The following DPY19L2 variants were observed in gnomAD, a reference collection of about 807,000 sequenced individuals.
DPY19L2 encodes probable C-mannosyltransferase DPY19L2.
Under a neutral mutation model 97.9 loss-of-function variants are expected in DPY19L2, and 34 were observed. That is an observed-to-expected ratio of 0.35 (90% CI 0.26 to 0.46). The LOEUF is 0.46. DPY19L2 is among the 20% of genes least tolerant of loss of function. The pLI is 1.00. For synonymous variants in DPY19L2, 230 were observed against 307.9 expected, an observed-to-expected ratio of 0.75 and a Z score of 2.65; for missense variants, 623 against 911.4, an observed-to-expected ratio of 0.68 and a Z score of 4.07.
intron 11 of DPY19L2, among the ~76,000 whole-genome samples, chr12:63,615,446 T>TG: frequency 1.3e-5 from 2 of 152,208 alleles, no homozygotes; most frequent in South Asian, 4.1e-4. Context: ...ACTAAAGACT[T>TG]GCAAAAGTGA....
At chr12:63,616,325 T>C (rs564494557) in intron 11 of DPY19L2, among the ~76,000 whole-genome samples, 2 of 152,336 alleles carry the variant, frequency 1.3e-5, no homozygotes, top group Non-Finnish European at 1.5e-5. Context: ...TCCTCTACTC[T>C]GTAATGGTGA....
chr12:63,660,489 G>A (rs1389114384), intron 4 of DPY19L2, among the ~76,000 whole-genome samples: 1 of 151,758 alleles, frequency 6.6e-6, no homozygotes, highest in Admixed American at 6.6e-5. Flanking sequence ...TTTAATAAAG[G>A]TATAAGTTGG....
chr12:63,598,467 C>A (rs1884620516), intron 13 of DPY19L2, among the ~76,000 whole-genome samples: 1 of 152,092 alleles, frequency 6.6e-6, no homozygotes. Flanking sequence ...GCTATTTGAT[C>A]TCCAAGGCTA....
intron 12 of DPY19L2, among the ~76,000 whole-genome samples, chr12:63,601,159 C>G (rs1055216355): frequency 6.6e-6 from 1 of 152,058 alleles, no homozygotes; most frequent in Non-Finnish European, 1.5e-5. Context: ...GTGTTTGTTT[C>G]CAAATATTAT....
rs747152353 is a variant in DPY19L2, at chr12:63,580,746, G to A, written c.1816C>T (p.Arg606Cys). ...TCTCCTATTATGCTCCATTGATTACGGAGGTTTGCATAACCTTGTATTGAC... is the reference window on the plus strand; with the variant it reads ...TCTCCTATTATGCTCCATTGATTACAGAGGTTTGCATAACCTTGTATTGAC... ...VMSIQGYANL[R>C]NQWSIIGEFN... is the part of the protein sequence containing the mutation. Residue 606 changes from arginine to cysteine, a missense_variant, in exon 19 of 22, where the codon CGT becomes TGT. Physicochemically the swap from Arg to Cys is radical, Grantham distance 180 (BLOSUM62 -3). Transcript: ENST00000324472. 19 of 1,613,416 alleles carry A rather than the reference G, an allele frequency of 1.2e-5. No homozygotes were observed. Among genetic ancestry groups the A allele is most frequent in the Admixed American group, 5.0e-5 (3 of 59,944 alleles).
At chr12:63,619,497 T>C (rs1299958421) in intron 9 of DPY19L2, among the ~76,000 whole-genome samples, 1 of 151,630 alleles carries the variant, frequency 6.6e-6, no homozygotes, top group Non-Finnish European at 1.5e-5. Flanking sequence ...AGAAAAACAT[T>C]AACAGCAATA....
intron 4 of DPY19L2, among the ~76,000 whole-genome samples, chr12:63,647,964 C>T (rs1893655232): frequency 6.6e-6 from 1 of 152,110 alleles, no homozygotes; most frequent in African/African-American, 2.4e-5. Context: ...TGTGTCCCAT[C>T]CAAAATTCAG....
chr12:63,583,431 C>T (rs1472437283), intron 17 of DPY19L2, among the ~76,000 whole-genome samples: 2 of 152,220 alleles, frequency 1.3e-5, no homozygotes, highest in Non-Finnish European at 2.9e-5. Flanking sequence ...TCCTTCAACA[C>T]TTCTGAGCTT....
intron 13 of DPY19L2, among the ~76,000 whole-genome samples, chr12:63,599,683 G>A (rs1447607692): frequency 6.6e-6 from 1 of 152,082 alleles, no homozygotes; most frequent in African/African-American, 2.4e-5. Context: ...GTAGATTCAT[G>A]CATTGTTTTC....
rs948180502 is a variant in DPY19L2 at position 63,569,249 on chromosome 12, C to G, written c.2101G>C (p.Glu701Gln). 1.3e-6 allele frequency: 2 copies of G among 1,599,200 alleles called. No individual in the cohort carries two copies. Among genetic ancestry groups the G allele is most frequent in the Non-Finnish European group, 1.7e-6 (2 of 1,174,834 alleles). ...ELHVNYYVLE[E>Q]AWCVVRTKPG... ...TTAGTTCTCACAACACACCATGCCT[C>G]TTCTAAAACATAATAATTCACATGT... Residue 701 changes from glutamate to glutamine, a missense_variant, in exon 21 of 22, where the codon GAG becomes CAG. By Grantham distance (29) the Glu-to-Gln change is conservative (BLOSUM62 2). Around this residue, in one of 6 missense-constraint regions of DPY19L2, gnomAD observed 294 missense variants for 446.2 expected, o/e 0.66. Transcript: ENST00000324472.
At chr12:63,613,510 T>C (rs1312719359) in intron 11 of DPY19L2, among the ~76,000 whole-genome samples, 7 of 152,104 alleles carry the variant, frequency 4.6e-5, no homozygotes, top group Non-Finnish European at 7.4e-5. Context: ...CACAGTTACT[T>C]AAGGATGAAA....
At chr12:63,611,812 A>G (rs1379273612) in intron 11 of DPY19L2, among the ~76,000 whole-genome samples, 1 of 152,100 alleles carries the variant, frequency 6.6e-6, no homozygotes, top group Admixed American at 6.6e-5. Context: ...GCATGTAGTG[A>G]GAGTCCCTAA....
intron 6 of DPY19L2, among the ~76,000 whole-genome samples, chr12:63,630,621 G>A (rs1044590813): frequency 6.6e-6 from 1 of 151,980 alleles, no homozygotes; most frequent in Admixed American, 6.6e-5. Flanking sequence ...AATAATGGGA[G>A]ACTTTAACAC....
In DPY19L2 at chr12:63,640,410, T is replaced by C. The variant is rs1470504074; in HGVS notation, c.803+3993A>G. Reference sequence around the variant, plus strand: ...GAAAAGCATTCCAAGATTCCTTGTTTGATTGGAAGAAGGGGAAAGATATCA... The same window carrying C: ...GAAAAGCATTCCAAGATTCCTTGTTCGATTGGAAGAAGGGGAAAGATATCA... On this transcript the variant is annotated intron_variant, in intron 6 of 21. Transcript: ENST00000324472. Among the ~76,000 whole-genome samples, 8 of 152,290 alleles carry C rather than the reference T, an allele frequency of 5.3e-5. No individual in the cohort carries two copies. The East Asian group carries it at 1.5e-3, about 29-fold the overall frequency.
At position 63,608,665 on chromosome 12, in the gene DPY19L2, A is replaced by C; in HGVS notation, c.1229T>G (p.Leu410Arg). The change falls in exon 12 of 22, where the codon CTA (leucine) becomes CGA (arginine). Residue 410 changes from leucine (L) to arginine (R), a missense_variant. Coordinates refer to ENST00000324472, the MANE Select transcript of DPY19L2 (RefSeq NM_173812.5). The part of the protein sequence containing the change: ...SSLLMTWAII[L>R]KRNEIQKLGV... ...CAGTTTTTGAATTTCATTTCTCTTT[A>C]GAATTATTGCCTAAAATGCACATAA... 6.8e-7 allele frequency: 1 copy of C among 1,462,834 alleles called. No homozygotes were observed. The highest frequency in any genetic ancestry group is 9.4e-7 in the Non-Finnish European group (1 of 1,066,200). 90.6% of individuals were successfully genotyped at this position (1,462,834 alleles called of 1,614,324 possible). A position where few individuals can be genotyped will look rare whatever the true frequency, so the allele number is the denominator to read the frequency against.
intron 6 of DPY19L2, among the ~76,000 whole-genome samples, chr12:63,642,262 T>G (rs565980802): frequency 1.8e-4 from 27 of 152,270 alleles, no homozygotes; most frequent in South Asian, 1.0e-3. Flanking sequence ...GTGGGGTATA[T>G]ACTTTGTAAA....
At chr12:63,567,787 G>T (rs1036735473) in intron 21 of DPY19L2, among the ~76,000 whole-genome samples, 1 of 152,036 alleles carries the variant, frequency 6.6e-6, no homozygotes, top group African/African-American at 2.4e-5. Flanking sequence ...ATTAAATAGA[G>T]AATTGTTGAT....
chr12:63,631,741 G>A (rs543487095), intron 6 of DPY19L2, among the ~76,000 whole-genome samples: 3 of 152,214 alleles, frequency 2.0e-5, no homozygotes, highest in Admixed American at 1.3e-4. Flanking sequence ...TGATACCAAA[G>A]TCTGGCAGAG....
intron 19 of DPY19L2, among the ~76,000 whole-genome samples, chr12:63,571,514 G>T (rs1011840766): frequency 6.6e-6 from 1 of 152,120 alleles, no homozygotes; most frequent in African/African-American, 2.4e-5. Context: ...GAAATGCCAG[G>T]AGCTGAGAGA....
Sources: allele counts gnomAD v4.1 joint callset (sites outside exome capture counted in the v4.1 genomes callset), GRCh38; gene constraint gnomAD v4.1.1; regional missense constraint gnomAD v4.1.1; transcripts MANE v1.5; gene names NCBI Gene and HGNC (gene_info 2026-07-23, HGNC 2026-07-21).